Variants in CLNS1A observed in about 807,000 individuals in gnomAD.
The protein encoded by CLNS1A is chloride nucleotide-sensitive channel 1A.
CLNS1A carries 16 observed loss-of-function variants against 29.4 expected under a neutral mutation model. The ratio of observed to expected loss-of-function variants is 0.54; its 90% confidence interval spans 0.37 to 0.83. The LOEUF (loss-of-function observed/expected upper bound fraction) is 0.83, where lower values mean the gene tolerates loss of function less well. Among genes scored for constraint, CLNS1A ranks in the 40% least tolerant of loss-of-function variants. The pLI, the probability that CLNS1A is intolerant of heterozygous loss-of-function variation, is 0.00. For synonymous variants in CLNS1A, 96 were observed against 104.8 expected (o/e 0.92, Z 0.51); for missense variants, 235 against 287.4 (o/e 0.82, Z 1.32).
At chr11:77,623,590 T>TAA (rs57519585) in intron 4 of CLNS1A, among the ~76,000 whole-genome samples, 5 of 134,798 alleles carry the variant, frequency 3.7e-5, no homozygotes, top group Admixed American at 7.5e-5. Context: ...AGACCCTGTT[T>TAA]AAAAAAAAAA....
intron 2 of CLNS1A, 39 bp downstream of exon 2, chr11:77,629,724 T>A: frequency 6.3e-7 from 1 of 1,593,612 alleles, no homozygotes; most frequent in Non-Finnish European, 8.6e-7. Context: ...TATAATTTGC[T>A]ATCAAAGGAG....
At position 77,622,510 on chromosome 11, in the gene CLNS1A, T is replaced by C. The variant is rs546073378; in HGVS notation, c.636A>G (p.Arg212=). 5 of 1,591,622 alleles carry C rather than the reference T, an allele frequency of 3.1e-6. No homozygotes were observed. The highest frequency in any genetic ancestry group is 4.3e-6 in the Non-Finnish European group (5 of 1,172,630). ...CAAAAGGACACTCACCTTCATAATC[T>C]CTTATTGAATCTTCTGTCCTGACCC... ...MAGVRTEDSI[R]DYEDGMEVDT... Residue 212 remains arginine (R), a synonymous_variant, in exon 5 of 7, where the codon AGA becomes AGG. Coordinates refer to ENST00000525428, the MANE Select transcript of CLNS1A (RefSeq NM_001293.3).
At chr11:77,619,898 C>A (rs995137542) in intron 5 of CLNS1A, among the ~76,000 whole-genome samples, 1 of 152,206 alleles carries the variant, frequency 6.6e-6, no homozygotes, top group Non-Finnish European at 1.5e-5. Context: ...GTCTGCGACA[C>A]TAACTGTGTA....
intron 5 of CLNS1A, among the ~76,000 whole-genome samples, chr11:77,621,660 T>G (rs1029563193): frequency 6.6e-6 from 1 of 152,016 alleles, no homozygotes; most frequent in African/African-American, 2.4e-5. Flanking sequence ...AAAAGAAGGG[T>G]GTGATAGTTA....
At chr11:77,635,659 G>T (rs1959117830) in intron 1 of CLNS1A, among the ~76,000 whole-genome samples, 1 of 152,010 alleles carries the variant, frequency 6.6e-6, no homozygotes, top group South Asian at 2.1e-4. Flanking sequence ...TCTTAGGTTT[G>T]AAATTCTTCT....
chr11:77,629,449 A>G (rs1001816727), intron 2 of CLNS1A, among the ~76,000 whole-genome samples: 7 of 149,908 alleles, frequency 4.7e-5, no homozygotes, highest in Non-Finnish European at 7.4e-5. Context: ...GCTGGAGTGC[A>G]GTGGCATGAT....
chr11:77,628,653 T>C (rs1434217736), intron 2 of CLNS1A, among the ~76,000 whole-genome samples: 5 of 152,224 alleles, frequency 3.3e-5, no homozygotes, highest in African/African-American at 1.2e-4. Flanking sequence ...AATGATCATA[T>C]TATATCTGGA....
chr11:77,633,572 G>C (rs980013680), intron 1 of CLNS1A, among the ~76,000 whole-genome samples: 9 of 152,184 alleles, frequency 5.9e-5, no homozygotes, highest in Admixed American at 1.3e-4. Flanking sequence ...TTTTGCACAA[G>C]TATGGTGAGT....
At chr11:77,618,704 CAG>C (rs1554978628) in intron 6 of CLNS1A, 2 of 152,066 alleles carry the variant, frequency 1.3e-5, no homozygotes, top group African/African-American at 4.8e-5. Flanking sequence ...TGAAATAGAA[CAG>C]GGGTAAAGGA....
At chr11:77,623,053 G>A (rs188539429) in intron 4 of CLNS1A, among the ~76,000 whole-genome samples, 1 of 151,728 alleles carries the variant, frequency 6.6e-6, no homozygotes, top group East Asian at 1.9e-4. Flanking sequence ...ATAGGCTACT[G>A]CTGAAGACAG....
In CLNS1A at chr11:77,615,904, T is replaced by C. The variant is rs1272406984; in HGVS notation, c.*814A>G. On this transcript the variant is annotated 3_prime_UTR_variant, in exon 7 of 7. Coordinates refer to ENST00000525428, the MANE Select transcript of CLNS1A (RefSeq NM_001293.3). ...CCCAGGTATCTATGAAAACTAAAAA[T>C]TGAGAGTTGATAAATATAAGAAATT... 2.0e-5 allele frequency: 3 copies of C among 152,168 alleles called. No individual in the cohort carries two copies. The highest frequency in any genetic ancestry group is 4.4e-5 in the Non-Finnish European group (3 of 68,032). The allele number at this position is 152,168 out of a possible 1,614,324, so 9.4% of individuals were successfully genotyped here.
chr11:77,626,017 G>C (rs59832115), intron 2 of CLNS1A, among the ~76,000 whole-genome samples, 199 bp from the exon 3 acceptor site: 27,536 of 151,744 alleles, frequency 0.18, 3,197 homozygotes, highest in African/African-American at 0.31. Context: ...CGAGATCCAC[G>C]CACCTTGGCC....
intron 1 of CLNS1A, among the ~76,000 whole-genome samples, chr11:77,636,454 T>C (rs1190857071): frequency 6.6e-6 from 1 of 152,194 alleles, no homozygotes; most frequent in Non-Finnish European, 1.5e-5. Flanking sequence ...TTTCCTCCCA[T>C]CCATATGTCC....
At chr11:77,632,467 G>A (rs1008445986) in intron 1 of CLNS1A, among the ~76,000 whole-genome samples, 7 of 152,114 alleles carry the variant, frequency 4.6e-5, no homozygotes, top group African/African-American at 1.7e-4. Context: ...TAATACCTCT[G>A]TAATTCCTTA....
chr11:77,618,651 A>G (rs747702067), intron 6 of CLNS1A: 25 of 152,236 alleles, frequency 1.6e-4, no homozygotes, highest in Non-Finnish European at 3.4e-4. Flanking sequence ...CAATAGCAGT[A>G]ACTTGGAAGC....
rs762153662 is a variant in CLNS1A at position 77,625,787 on chromosome 11, T to C, written c.294A>G (p.Glu98=). 1.9e-6 allele frequency: 3 copies of C among 1,599,656 alleles called. No individual in the cohort carries two copies. The Admixed American group carries it at 5.0e-5, about 27-fold the overall frequency. Residue 98 remains glutamate, a synonymous_variant, in exon 3 of 7, where the codon GAA becomes GAG. Coordinates refer to ENST00000525428, the MANE Select transcript of CLNS1A (RefSeq NM_001293.3). ...CAACATCATCATCACTGTCTTCCTCTTCTTCATCAGCAACAGGTTCTTTTG... is the reference window on the plus strand; with the variant it reads ...CAACATCATCATCACTGTCTTCCTCCTCTTCATCAGCAACAGGTTCTTTTG... ...EESKEPVADE[E]EEDSDDDVEP...
chr11:77,621,681 T>C lies in CLNS1A; in HGVS notation c.646+819A>G, dbSNP rs1393889662. ...AGGGTGTGATAGTTAAATTTATGCA[T>C]CAACTTGGCTAGGCAATGGTGTCCA... On this transcript the variant is annotated intron_variant, in intron 5 of 6. Transcript: ENST00000525428. 2.6e-5 allele frequency among the ~76,000 whole-genome samples: 4 copies of C among 152,356 alleles called. No individual in the cohort carries two copies. The East Asian group carries it at 7.7e-4, about 29-fold the overall frequency.
chr11:77,629,642 C>T, intron 2 of CLNS1A, 121 bp downstream of exon 2: 1 of 846,712 alleles, frequency 1.2e-6, no homozygotes, highest in Non-Finnish European at 1.8e-6. Flanking sequence ...GATCCGCCCG[C>T]CTCGGCCTCC....
At position 77,625,829 on chromosome 11, in the gene CLNS1A, A is replaced by C; in HGVS notation, c.263-11T>G. On this transcript the variant is annotated splice_polypyrimidine_tract_variant and intron_variant, in intron 2 of 6. Transcript: ENST00000525428. ...GTTCTTTTGATTCTTCTAGAAAATA[A>C]AATACCCTTTTAATGTCATTATTTG... is the stretch of plus-strand genomic sequence containing the variant. The C allele has an allele frequency of 1.3e-6, 2 of 1,541,834 alleles. No homozygotes were observed. The highest frequency in any genetic ancestry group is 1.8e-6 in the Non-Finnish European group (2 of 1,118,732).
Sources: gnomAD v4.1 joint callset for allele counts (sites outside exome capture counted in the v4.1 genomes callset) on GRCh38, gnomAD v4.1.1 for gene constraint, MANE v1.5 for transcripts, NCBI Gene and HGNC (gene_info 2026-07-23, HGNC 2026-07-21) for gene names.